Variants in TSPEAR observed in about 807,000 individuals in gnomAD.
TSPEAR encodes the protein thrombospondin type laminin G domain and EAR repeats, also known as thrombospondin-type laminin G domain and EAR repeat-containing protein.
Under a neutral mutation model 71.6 loss-of-function variants are expected in TSPEAR, and 69 were observed. The observed-to-expected ratio is 0.96, with a 90% CI of 0.79 to 1.18. TSPEAR has a LOEUF of 1.18. Ranked by LOEUF, TSPEAR falls within the 50% of genes most tolerant of loss-of-function variation. TSPEAR has a pLI of 0.00. For synonymous variants in TSPEAR, 402 were observed against 387.2 expected (o/e 1.04, Z -0.45); for missense variants, 971 against 894.9 (o/e 1.09, Z -1.09).
chr21:44,622,715 C>G (rs1029623443), intron 1 of TSPEAR, among the ~76,000 whole-genome samples: 4 of 152,214 alleles, frequency 2.6e-5, no homozygotes, highest in Non-Finnish European at 5.9e-5. Context: ...TTCACTATAA[C>G]CCGGTATGAC....
intron 1 of TSPEAR, among the ~76,000 whole-genome samples, chr21:44,665,693 G>T (rs1313112550): frequency 6.6e-6 from 1 of 152,094 alleles, no homozygotes; most frequent in East Asian, 1.9e-4. Flanking sequence ...TCAGGCAGTG[G>T]GTTCATGCGG....
At chr21:44,549,673 T>A (rs782451796) in intron 2 of TSPEAR, among the ~76,000 whole-genome samples, 11 of 152,242 alleles carry the variant, frequency 7.2e-5, no homozygotes, top group Non-Finnish European at 1.5e-4. Flanking sequence ...ATTTGCTCAA[T>A]CCTGTTTGAA....
chr21:44,706,389 G>C (rs943326241), intron 1 of TSPEAR, among the ~76,000 whole-genome samples: 4 of 149,782 alleles, frequency 2.7e-5, no homozygotes, highest in African/African-American at 9.9e-5. Context: ...ACACGCGCGT[G>C]CACCCATGCG....
At chr21:44,531,999 GGCCGTGGTGA>G (rs1181508089) in intron 3 of TSPEAR, among the ~76,000 whole-genome samples, 1 of 152,238 alleles carries the variant, frequency 6.6e-6, no homozygotes, top group Non-Finnish European at 1.5e-5. Context: ...GGCTGCAGCT[GGCCGTGGTGA>G]GCTCAGCTCC....
At chr21:44,701,829 G>A (rs777685878) in intron 1 of TSPEAR, among the ~76,000 whole-genome samples, 2 of 151,788 alleles carry the variant, frequency 1.3e-5, no homozygotes, top group African/African-American at 2.4e-5. Flanking sequence ...AGTGGTCCCC[G>A]TCCCGGGGTT....
intron 1 of TSPEAR, among the ~76,000 whole-genome samples, chr21:44,581,531 T>G (rs140836961): frequency 2.1e-4 from 32 of 152,358 alleles, no homozygotes; most frequent in African/African-American, 6.7e-4. Context: ...TTTTATAGTT[T>G]GTCTCTCTCT....
At chr21:44,676,559 T>G (rs78577698) in intron 1 of TSPEAR, 30,041 of 728,060 alleles carry the variant, frequency 0.041, 741 homozygotes, top group Middle Eastern at 0.067. Flanking sequence ...TGCTCTTGAC[T>G]TAGATGATGA....
chr21:44,641,825 A>G (rs1456683494), intron 1 of TSPEAR, among the ~76,000 whole-genome samples: 1 of 152,146 alleles, frequency 6.6e-6, no homozygotes, highest in African/African-American at 2.4e-5. Flanking sequence ...CCGCACCTAG[A>G]CTCTGCTGTG....
chr21:44,610,295 A>G (rs1353236041), intron 1 of TSPEAR, among the ~76,000 whole-genome samples: 1 of 152,190 alleles, frequency 6.6e-6, no homozygotes, highest in African/African-American at 2.4e-5. Context: ...CTCCCATCAG[A>G]GGCCTGGAGG....
chr21:44,535,896 CA>C (rs10712664), intron 2 of TSPEAR, among the ~76,000 whole-genome samples: 102,287 of 136,780 alleles, frequency 0.75, 37,230 homozygotes, highest in South Asian at 0.85. Context: ...CTATGTTTAT[CA>C]AAAAAAAAAA....
At position 44,516,296 on chromosome 21, in the gene TSPEAR, T is replaced by G. The variant is rs587675124; in HGVS notation, c.1566+5587A>C. ...GGCAGTGGCCAGGGCTGCCAGGCCT[T>G]GTTTATCTGGGAGCGCCAGGCTGCC... On this transcript the variant is annotated intron_variant, in intron 9 of 11. Transcript: ENST00000323084. 2.0e-5 allele frequency: 3 copies of G among 152,444 alleles called. No individual in the cohort carries two copies. The East Asian group carries it at 5.8e-4, about 29-fold the overall frequency. The allele number at this position is 152,444 out of a possible 1,614,324, so 9.4% of individuals were successfully genotyped here.
intron 1 of TSPEAR, chr21:44,591,838 G>T: frequency 4.4e-6 from 7 of 1,599,182 alleles, no homozygotes; most frequent in Non-Finnish European, 5.9e-6. Context: ...GCAGCAAGTT[G>T]GCTGGCAGCT....
At chr21:44,564,193 A>C (rs1161165661) in intron 2 of TSPEAR, among the ~76,000 whole-genome samples, 1 of 152,232 alleles carries the variant, frequency 6.6e-6, no homozygotes, top group Non-Finnish European at 1.5e-5. Flanking sequence ...TGACCACAAA[A>C]GTGCCACCAG....
At chr21:44,639,208 C>G (rs1444656915) in intron 1 of TSPEAR, among the ~76,000 whole-genome samples, 1 of 152,072 alleles carries the variant, frequency 6.6e-6, no homozygotes, top group Non-Finnish European at 1.5e-5. Context: ...GCACCCCCAG[C>G]CTCCCAGGTC....
chr21:44,688,477 T>G (rs1986960341), intron 1 of TSPEAR, among the ~76,000 whole-genome samples: 1 of 151,934 alleles, frequency 6.6e-6, no homozygotes, highest in Admixed American at 6.6e-5. Flanking sequence ...TCCCAGCACT[T>G]TGGGAGGCCG....
intron 8 of TSPEAR, among the ~76,000 whole-genome samples, chr21:44,524,988 CAGTG>C (rs1229310607): frequency 6.6e-6 from 1 of 150,900 alleles, no homozygotes; most frequent in Non-Finnish European, 1.5e-5. Context: ...GTCAGTCAGT[CAGTG>C]AGGCAGTCAG....
chr21:44,585,277 T>C (rs1555925557), intron 1 of TSPEAR, among the ~76,000 whole-genome samples: 1 of 152,202 alleles, frequency 6.6e-6, no homozygotes, highest in Non-Finnish European at 1.5e-5. Context: ...CCAGTGTGTC[T>C]CAGATTTGCA....
At chr21:44,640,963 G>A (rs1377759096) in intron 1 of TSPEAR, among the ~76,000 whole-genome samples, 1 of 152,156 alleles carries the variant, frequency 6.6e-6, no homozygotes, top group Non-Finnish European at 1.5e-5. Context: ...GTCCCAATCT[G>A]GAGAGGAAGA....
intron 1 of TSPEAR, among the ~76,000 whole-genome samples, chr21:44,704,140 C>CT (rs1987790465): frequency 1.3e-5 from 2 of 152,254 alleles, no homozygotes; most frequent in East Asian, 3.9e-4. Context: ...GCAATTAGAA[C>CT]AGGGTTGGTG....
Sources: allele counts gnomAD v4.1 joint callset (sites outside exome capture counted in the v4.1 genomes callset), GRCh38; gene constraint gnomAD v4.1.1; transcripts MANE v1.5; gene names NCBI Gene and HGNC (gene_info 2026-07-23, HGNC 2026-07-21).